Variants in UIMC1 observed in about 807,000 individuals in gnomAD.
UIMC1 encodes the protein BRCA1-A complex subunit RAP80.
A neutral mutation model predicts 84.9 loss-of-function variants in UIMC1; 42 were observed. The ratio of observed to expected loss-of-function variants is 0.49; its 90% CI spans 0.39 to 0.64. UIMC1 has a LOEUF of 0.64. Ranked by LOEUF, UIMC1 falls within the 30% of genes least tolerant of loss-of-function variation. UIMC1 has a pLI of 0.00. For synonymous variants in UIMC1, 281 were observed against 293.0 expected (o/e 0.96, Z 0.42); for missense variants, 825 against 847.6 (o/e 0.97, Z 0.33).
In UIMC1 at chr5:176,968,713, A is replaced by G; in HGVS notation, c.1042T>C (p.Cys348Arg). Residue 348 changes from cysteine (C) to arginine (R), a missense_variant, in exon 6 of 15, where the codon TGC (cysteine) becomes CGC (arginine). Cys to Arg is a radical substitution (Grantham distance 180, BLOSUM62 -3). Coordinates refer to ENST00000511320, the MANE Select transcript of UIMC1 (RefSeq NM_001199298.2). ...QGEQASEKNECISEDMGDEDK... is the reference protein window; with the variant it reads ...QGEQASEKNERISEDMGDEDK... ...TCATCTCCCATATCTTCTGAGATGC[A>G]TTCATTTTTCTCACTAGCCTGCTCT... is the stretch of plus-strand genomic sequence containing the variant. 6.2e-7 allele frequency: 1 copy of G among 1,614,152 alleles called. No individual in the cohort carries two copies. The highest frequency in any genetic ancestry group is 1.3e-5 in the African/African-American group (1 of 75,048).
At chr5:176,975,921 C>G (rs780963754) in intron 2 of UIMC1, among the ~76,000 whole-genome samples, 8 of 151,884 alleles carry the variant, frequency 5.3e-5, no homozygotes, top group Non-Finnish European at 1.0e-4. Flanking sequence ...AAAAGAGAAC[C>G]AAATACACCA....
intron 2 of UIMC1, among the ~76,000 whole-genome samples, chr5:176,976,590 A>T (rs978060203): frequency 2.0e-5 from 3 of 152,226 alleles, no homozygotes; most frequent in African/African-American, 7.2e-5. Flanking sequence ...CAGTGCCCCC[A>T]CTGTGGAAAA....
chr5:176,961,921 C>T (rs1365861517), intron 6 of UIMC1, among the ~76,000 whole-genome samples: 2 of 65,436 alleles, frequency 3.1e-5, no homozygotes, highest in Non-Finnish European at 3.1e-5. Flanking sequence ...CCCGGCCAGC[C>T]GCCCCGTCCG....
intron 10 of UIMC1, chr5:176,919,162 G>C: frequency 2.5e-6 from 1 of 400,688 alleles, no homozygotes; most frequent in Non-Finnish European, 4.9e-6. Flanking sequence ...TGATTCAATG[G>C]CAAGTACCTG....
intron 1 of UIMC1, among the ~76,000 whole-genome samples, chr5:176,995,962 G>A (rs1366794301): frequency 6.6e-6 from 1 of 151,900 alleles, no homozygotes; most frequent in East Asian, 1.9e-4. Flanking sequence ...TCATTCCTAG[G>A]TATTTACTCA....
intron 6 of UIMC1, among the ~76,000 whole-genome samples, chr5:176,960,491 A>C (rs1453219198): frequency 6.6e-6 from 1 of 152,160 alleles, no homozygotes. Context: ...CAGAAATAAA[A>C]ATTTAAGGAA....
intron 10 of UIMC1, among the ~76,000 whole-genome samples, chr5:176,923,474 TG>T (rs1561743488): frequency 6.6e-6 from 1 of 151,378 alleles, no homozygotes; most frequent in Non-Finnish European, 1.5e-5. Flanking sequence ...CCCTTGAACC[TG>T]GGAGGCACAG....
intron 1 of UIMC1, among the ~76,000 whole-genome samples, chr5:176,985,882 ATAAC>A (rs897265531): frequency 1.4e-4 from 21 of 152,324 alleles, no homozygotes; most frequent in Admixed American, 1.2e-3. Flanking sequence ...CAAAAATCCC[ATAAC>A]TAATAAGCTA....
chr5:176,975,339 T>C, intron 3 of UIMC1, 57 bp downstream of exon 3: 1 of 1,538,788 alleles, frequency 6.5e-7, no homozygotes, highest in South Asian at 1.1e-5. Flanking sequence ...GTCCAAAATG[T>C]ATCAGTTCTA....
intron 2 of UIMC1, among the ~76,000 whole-genome samples, chr5:176,978,196 C>A (rs571633196): frequency 1.3e-5 from 2 of 151,706 alleles, no homozygotes; most frequent in African/African-American, 4.8e-5. Flanking sequence ...ACAGTGAAAC[C>A]CCGTCTCTAC....
rs371082803 is a variant in UIMC1 at position 176,968,822 on chromosome 5, C to T, written c.933G>A (p.Gln311=). ...AACCTTTTTTATTAAGGAGCTGCCT[C>T]TGAGCCATTTTCAGGCTCTTTTGAT... The part of the protein sequence containing the change: ...EVYQKSLKMA[Q]RQLLNKKGFG... The change falls in exon 6 of 15, where the codon CAG becomes CAA. Residue 311 remains glutamine (Q), a synonymous_variant. Coordinates refer to ENST00000511320, the MANE Select transcript of UIMC1 (RefSeq NM_001199298.2). The T allele has an allele frequency of 2.0e-4, 321 of 1,614,082 alleles. No individual in the cohort carries two copies. The highest frequency in any genetic ancestry group is 2.6e-4 in the Non-Finnish European group (302 of 1,180,048).
intron 1 of UIMC1, among the ~76,000 whole-genome samples, chr5:176,983,815 T>C (rs920885284): frequency 2.5e-4 from 32 of 127,752 alleles, no homozygotes; most frequent in Non-Finnish European, 5.3e-4. Flanking sequence ...CCCATCGTCT[T>C]GGATGTGAGG....
chr5:177,005,175 G>A (rs997815329), intron 1 of UIMC1, among the ~76,000 whole-genome samples: 1 of 151,878 alleles, frequency 6.6e-6, no homozygotes, highest in Non-Finnish European at 1.5e-5. Flanking sequence ...CTGGGCTCAC[G>A]GGATCCTCCT....
At chr5:176,954,046 A>G (rs1318870038) in intron 8 of UIMC1, among the ~76,000 whole-genome samples, 1 of 152,214 alleles carries the variant, frequency 6.6e-6, no homozygotes, top group Non-Finnish European at 1.5e-5. Flanking sequence ...ACCTTTTGCA[A>G]TCTCATTTAG....
rs113881796 is a variant in UIMC1 at position 176,963,848 on chromosome 5, T to TA, written c.1200+4706dup. Among the ~76,000 whole-genome samples, 799 of 144,798 alleles carry TA rather than the reference T, an allele frequency of 5.5e-3. 12 individuals are homozygous for TA. The South Asian group carries it at 0.059, about 11-fold the overall frequency. The allele number at this position is 144,798 out of a possible 152,430, so 95.0% of individuals were successfully genotyped here. A position where few individuals can be genotyped will look rare whatever the true frequency, so the allele number is the denominator to read the frequency against. ...CCCCACACAATCTGGTCATTTCTGA[T>TA]AAAAAAAAAAAAATTCCAATATCCG... On this transcript the variant is annotated intron_variant, in intron 6 of 14. Coordinates refer to ENST00000511320, the MANE Select transcript of UIMC1 (RefSeq NM_001199298.2).
In UIMC1 at chr5:176,907,156, G is replaced by A. The variant is rs1335186222; in HGVS notation, c.1870C>T (p.Arg624Ter). ...GACTGTTCCAAGAAACTAAGGAGTCGGCCTTCACTGTGGCCTTTTTCCTGT... is the reference window on the plus strand; with the variant it reads ...GACTGTTCCAAGAAACTAAGGAGTCAGCCTTCACTGTGGCCTTTTTCCTGT... ...NPKEKGHSEGRLLSFLEQSEH... is the reference protein window; with the variant it reads ...NPKEKGHSEG The change falls in exon 13 of 15, where the codon CGA becomes TGA. Residue 624 changes from arginine (R) to a stop codon, truncating the protein, a stop_gained. Transcript: ENST00000511320. LOFTEE classifies it high-confidence loss of function. The A allele has an allele frequency of 1.2e-5, 19 of 1,613,580 alleles. No homozygotes were observed. The highest frequency in any genetic ancestry group is 1.6e-4 in the Middle Eastern group (1 of 6,082).
At position 176,959,111 on chromosome 5, in the gene UIMC1, T is replaced by G. The variant is rs141350730; in HGVS notation, c.1201-957A>C. Among the ~76,000 whole-genome samples the G allele has an allele frequency of 9.1e-3, 1,388 of 152,352 alleles. 8 individuals are homozygous for G. The highest frequency in any genetic ancestry group is 0.025 in the South Asian group (121 of 4,828). ...GAGTTTTCAGTCAAAAGGAAAGTTG[T>G]ACAATAATAGGGAATATAGTCATTA... On this transcript the variant is annotated intron_variant, in intron 6 of 14. Coordinates refer to ENST00000511320, the MANE Select transcript of UIMC1 (RefSeq NM_001199298.2).
chr5:176,982,246 T>G (rs944712712), intron 2 of UIMC1, among the ~76,000 whole-genome samples: 3 of 152,200 alleles, frequency 2.0e-5, no homozygotes, highest in African/African-American at 7.2e-5. Context: ...TGGATTACTA[T>G]ATTATAAAAC....
chr5:176,968,296 C>T (rs10476207), intron 6 of UIMC1, among the ~76,000 whole-genome samples: 14,064 of 151,470 alleles, frequency 0.093, 1,312 homozygotes, highest in African/African-American at 0.24. Context: ...TGCTTGAACC[C>T]GGGAGGTGGA....
Sources: allele counts gnomAD v4.1 joint callset (sites outside exome capture counted in the v4.1 genomes callset), GRCh38; gene constraint gnomAD v4.1.1; transcripts MANE v1.5; gene names NCBI Gene and HGNC (gene_info 2026-07-23, HGNC 2026-07-21).